The following PRKG1 variants were observed in gnomAD, a reference collection of about 807,000 sequenced individuals.
The protein encoded by PRKG1 is protein kinase cGMP-dependent 1, also known as cGMP-dependent protein kinase 1.
PRKG1 carries 35 observed loss-of-function variants against 88.1 expected under a neutral mutation model. That is an observed-to-expected ratio of 0.40 (90% CI 0.30 to 0.53). The LOEUF is 0.53. Ranked by LOEUF, PRKG1 falls within the 20% of genes least tolerant of loss-of-function variation. The pLI, the probability that PRKG1 is intolerant of heterozygous loss-of-function variation, is 0.59. For missense variants in PRKG1, 540 were observed against 839.8 expected, an observed-to-expected ratio of 0.64 and a Z score of 4.41; for synonymous variants, 303 against 292.5, an observed-to-expected ratio of 1.04 and a Z score of -0.37.
chr10:52,054,413 T>C, intron 5 of PRKG1, 71 bp from the exon 6 acceptor site: 6 of 1,132,556 alleles, frequency 5.3e-6, no homozygotes, highest in Non-Finnish European at 7.9e-6. Context: ...GGGGTTGATA[T>C]TTGAAGAGGC....
chr10:51,708,597 TCTC>T (rs1460138034), intron 3 of PRKG1, among the ~76,000 whole-genome samples: 1 of 152,200 alleles, frequency 6.6e-6, no homozygotes, highest in Non-Finnish European at 1.5e-5. Flanking sequence ...AAGGATCAGA[TCTC>T]CTATTTCTCT....
At chr10:52,293,047 A>G (rs1842292145) in intron 17 of PRKG1, among the ~76,000 whole-genome samples, 1 of 151,974 alleles carries the variant, frequency 6.6e-6, no homozygotes, top group Admixed American at 6.6e-5. Flanking sequence ...TAAGCTGATA[A>G]GCAACTTCAG....
intron 2 of PRKG1, among the ~76,000 whole-genome samples, chr10:51,156,566 C>T (rs1846221632): frequency 6.6e-6 from 1 of 151,890 alleles, no homozygotes; most frequent in Admixed American, 6.6e-5. Context: ...CCTTCAGAGT[C>T]ACAGCTTTTG....
chr10:52,172,886 T>C (rs1486566442), intron 9 of PRKG1, among the ~76,000 whole-genome samples: 2 of 152,338 alleles, frequency 1.3e-5, no homozygotes, highest in African/African-American at 2.4e-5. Context: ...ACTAACTTCA[T>C]GTGAACTTGA....
intron 3 of PRKG1, among the ~76,000 whole-genome samples, chr10:51,503,885 A>G (rs1023849517): frequency 1.3e-5 from 2 of 152,176 alleles, no homozygotes; most frequent in African/African-American, 4.8e-5. Context: ...CAGTTATTTG[A>G]AAATGCTTGA....
intron 2 of PRKG1, among the ~76,000 whole-genome samples, chr10:51,324,370 C>T (rs1032383109): frequency 6.6e-6 from 1 of 152,064 alleles, no homozygotes; most frequent in Non-Finnish European, 1.5e-5. Context: ...CTGTGCTGTG[C>T]TTATTTCACT....
chr10:52,087,452 A>C (rs1042906264), intron 7 of PRKG1, among the ~76,000 whole-genome samples: 1 of 152,094 alleles, frequency 6.6e-6, no homozygotes, highest in East Asian at 1.9e-4. Context: ...TTCACAATTT[A>C]TGATTTATCT....
In PRKG1 at chr10:51,821,176, T is replaced by C. The variant is rs954825050; in HGVS notation, c.698+16486T>C. ...GAAGAGTCATACCTTTTGCTGTGTG[T>C]ATCAAAAGTTTATTCTTGCTTTGTA... is the stretch of plus-strand genomic sequence containing the variant. On this transcript the variant is annotated intron_variant, in intron 4 of 17. Coordinates refer to ENST00000373980, the MANE Select transcript of PRKG1 (RefSeq NM_006258.4). Among the ~76,000 whole-genome samples the C allele has an allele frequency of 2.6e-5, 4 of 152,304 alleles. 1 individual carries two copies. Among genetic ancestry groups the C allele is most frequent in the Admixed American group, 1.3e-4 (2 of 15,290 alleles).
At chr10:51,895,544 T>A (rs1217509219) in intron 4 of PRKG1, among the ~76,000 whole-genome samples, 4 of 152,144 alleles carry the variant, frequency 2.6e-5, no homozygotes, top group Non-Finnish European at 1.5e-5. Flanking sequence ...GTGGACTGAT[T>A]TTGGTAGACA....
chr10:51,621,377 T>C (rs113648133), intron 3 of PRKG1, among the ~76,000 whole-genome samples: 1,847 of 152,200 alleles, frequency 0.012, 21 homozygotes, highest in Middle Eastern at 0.031. Context: ...GAGCATCACC[T>C]CATATAACAT....
chr10:51,576,356 C>A (rs1380905255), intron 3 of PRKG1, among the ~76,000 whole-genome samples: 3 of 151,872 alleles, frequency 2.0e-5, no homozygotes, highest in Non-Finnish European at 2.9e-5. Flanking sequence ...ATGTACACTA[C>A]CTTTTGTTCA....
At chr10:51,807,678 C>G (rs1385291819) in intron 4 of PRKG1, among the ~76,000 whole-genome samples, 1 of 152,180 alleles carries the variant, frequency 6.6e-6, no homozygotes, top group African/African-American at 2.4e-5. Context: ...TCTGTTGTAG[C>G]ATTTCTTCCT....
intron 2 of PRKG1, among the ~76,000 whole-genome samples, chr10:51,373,538 A>C (rs2062322166): frequency 1.3e-5 from 2 of 152,078 alleles, no homozygotes; most frequent in South Asian, 4.2e-4. Context: ...TCAGCCTGTT[A>C]CCTAGATATT....
At chr10:51,405,175 C>T (rs1229534075) in intron 2 of PRKG1, among the ~76,000 whole-genome samples, 2 of 152,128 alleles carry the variant, frequency 1.3e-5, no homozygotes, top group Non-Finnish European at 2.9e-5. Flanking sequence ...ATAGTGGTGG[C>T]ACATTTCTGA....
intron 2 of PRKG1, among the ~76,000 whole-genome samples, chr10:51,378,235 A>G (rs2132623010): frequency 6.6e-6 from 1 of 152,314 alleles, no homozygotes; most frequent in East Asian, 1.9e-4. Context: ...TTACTTTGAG[A>G]CAGTGGGGAA....
At chr10:52,171,960 G>A (rs1404801996) in intron 9 of PRKG1, among the ~76,000 whole-genome samples, 1 of 150,178 alleles carries the variant, frequency 6.7e-6, no homozygotes, top group Non-Finnish European at 1.5e-5. Context: ...CCGCCACCGC[G>A]CCCGGCTAAT....
chr10:52,290,341 T>C (rs1842212057), intron 17 of PRKG1, 51 bp downstream of exon 17: 1 of 1,435,592 alleles, frequency 7.0e-7, no homozygotes, highest in South Asian at 1.2e-5. Context: ...ATGGTGTTTA[T>C]GTCAGTCAAC....
chr10:51,010,524 G>A (rs898470651), intron 1 of PRKG1, among the ~76,000 whole-genome samples: 3 of 152,118 alleles, frequency 2.0e-5, no homozygotes, highest in African/African-American at 7.2e-5. Context: ...ATATATATAT[G>A]TGGTATCCTA....
At chr10:51,640,120 C>G (rs1487091631) in intron 3 of PRKG1, among the ~76,000 whole-genome samples, 1 of 152,198 alleles carries the variant, frequency 6.6e-6, no homozygotes, top group Non-Finnish European at 1.5e-5. Flanking sequence ...TCCTCAACAT[C>G]ATCATCACCA....
Sources: gnomAD v4.1 joint callset for allele counts (sites outside exome capture counted in the v4.1 genomes callset) on GRCh38, gnomAD v4.1.1 for gene constraint, MANE v1.5 for transcripts, NCBI Gene and HGNC (gene_info 2026-07-23, HGNC 2026-07-21) for gene names.